The following SLC4A7 variants were observed in gnomAD, a reference collection of about 807,000 sequenced individuals.
The protein encoded by SLC4A7 is sodium bicarbonate cotransporter 3.
In SLC4A7, 51 loss-of-function variants were observed where a neutral mutation model predicts 137.6. The ratio of observed to expected loss-of-function variants is 0.37; its 90% CI spans 0.30 to 0.47. The LOEUF is 0.47. Ranked by LOEUF, SLC4A7 falls within the 20% of genes least tolerant of loss-of-function variation. The probability of loss-of-function intolerance (pLI) is 1.00; values close to 1 mark genes in which losing one functional copy is unlikely to be tolerated. For missense variants in SLC4A7, 1,247 were observed against 1,525.4 expected (o/e 0.82, Z 3.04); for synonymous variants, 542 against 518.6 (o/e 1.05, Z -0.61).
In SLC4A7 at chr3:27,383,166, C is replaced by T. The variant is rs775280053; in HGVS notation, c.3577G>A (p.Ala1193Thr). 6.2e-7 allele frequency: 1 copy of T among 1,608,456 alleles called. No individual in the cohort carries two copies. Among genetic ancestry groups the T allele is most frequent in the East Asian group, 2.2e-5 (1 of 44,854 alleles). ...GGSLLQIPVK[A>T]LKYSVDPSIV... ...GTCATATCTCACCTATATTTTAGGG[C>T]CTTGACTGGAATTTGCAAGAGACTT... The change falls in exon 24 of 26, where the codon GCC (alanine) becomes ACC (threonine). Residue 1193 changes from alanine to threonine, a missense_variant. Physicochemically the swap from Ala to Thr is moderately conservative, Grantham distance 58. Transcript: ENST00000454389.
chr3:27,464,739 T>C (rs1389682709), intron 1 of SLC4A7, among the ~76,000 whole-genome samples: 2 of 151,424 alleles, frequency 1.3e-5, no homozygotes, highest in African/African-American at 4.9e-5. Context: ...CTAATGCCTG[T>C]AATCCTAGTG....
At chr3:27,443,229 C>T (rs938929630) in intron 3 of SLC4A7, among the ~76,000 whole-genome samples, 9 of 151,656 alleles carry the variant, frequency 5.9e-5, no homozygotes, top group Admixed American at 1.3e-4. Flanking sequence ...GTGGTTTCAC[C>T]ATGTTGGCCA....
At chr3:27,426,556 T>A (rs986146294) in intron 7 of SLC4A7, among the ~76,000 whole-genome samples, 2 of 152,106 alleles carry the variant, frequency 1.3e-5, no homozygotes, top group Non-Finnish European at 2.9e-5. Flanking sequence ...TTTTCCAGAA[T>A]AGTCCTAGCT....
chr3:27,415,910 T>G (rs954780061), intron 11 of SLC4A7, among the ~76,000 whole-genome samples: 3 of 152,248 alleles, frequency 2.0e-5, no homozygotes, highest in Non-Finnish European at 4.4e-5. Context: ...ACTTTACGTT[T>G]CCTTTTCTTT....
intron 1 of SLC4A7, among the ~76,000 whole-genome samples, chr3:27,469,026 G>A (rs1450751777): frequency 6.6e-6 from 1 of 151,976 alleles, no homozygotes; most frequent in East Asian, 1.9e-4. Flanking sequence ...AGAATTGCTT[G>A]AACCCAGGAA....
intron 1 of SLC4A7, chr3:27,462,422 C>A (rs545646054): frequency 6.6e-6 from 1 of 152,190 alleles, no homozygotes; most frequent in African/African-American, 2.4e-5. Context: ...ACATTATGTT[C>A]CTGAGTCATT....
At chr3:27,396,463 T>A (rs981344389) in intron 18 of SLC4A7, among the ~76,000 whole-genome samples, 2 of 152,102 alleles carry the variant, frequency 1.3e-5, no homozygotes, top group African/African-American at 4.8e-5. Flanking sequence ...AATTCATAGT[T>A]TCATTTATTT....
intron 1 of SLC4A7, among the ~76,000 whole-genome samples, chr3:27,482,293 C>CT (rs2059745282): frequency 6.6e-6 from 1 of 152,196 alleles, no homozygotes; most frequent in South Asian, 2.1e-4. Flanking sequence ...TTATCACATG[C>CT]TTTCTCTACT....
intron 22 of SLC4A7, among the ~76,000 whole-genome samples, chr3:27,388,437 T>C (rs555386921): frequency 6.6e-6 from 1 of 152,330 alleles, no homozygotes; most frequent in South Asian, 2.1e-4. Flanking sequence ...TGTAATTATC[T>C]GTTCTTTAAA....
At chr3:27,472,652 C>T (rs567324077) in intron 1 of SLC4A7, among the ~76,000 whole-genome samples, 1 of 152,294 alleles carries the variant, frequency 6.6e-6, no homozygotes, top group South Asian at 2.1e-4. Context: ...TCTTGCCTCA[C>T]ACCTCCAATA....
chr3:27,472,183 C>G (rs963859433), intron 1 of SLC4A7, among the ~76,000 whole-genome samples: 7 of 152,156 alleles, frequency 4.6e-5, no homozygotes, highest in African/African-American at 1.7e-4. Flanking sequence ...ACCTTTTAAG[C>G]CATTTATTGC....
intron 1 of SLC4A7, among the ~76,000 whole-genome samples, chr3:27,463,529 A>C (rs541600524): frequency 9.9e-4 from 151 of 152,022 alleles, no homozygotes; most frequent in African/African-American, 3.6e-3. Flanking sequence ...AACAAGAGCG[A>C]AACTCCACCT....
intron 24 of SLC4A7, among the ~76,000 whole-genome samples, chr3:27,380,577 A>C (rs540045841): frequency 1.1e-4 from 17 of 152,342 alleles, no homozygotes; most frequent in African/African-American, 4.1e-4. Flanking sequence ...AAATTAGGTA[A>C]TGTTAAATTA....
chr3:27,454,041 T>C (rs1278417321), intron 1 of SLC4A7, among the ~76,000 whole-genome samples: 1 of 152,174 alleles, frequency 6.6e-6, no homozygotes, highest in Admixed American at 6.5e-5. Context: ...CTAGGTGTGG[T>C]GGTTCACACC....
Position 27,431,310 on chromosome 3 carries a change from C to T in SLC4A7, c.1138G>A (p.Asp380Asn). Reference protein sequence around the residue: ...GEEQKNEENVDLTPGILASPQ... With the variant: ...GEEQKNEENVNLTPGILASPQ... Reference sequence around the variant, plus strand: ...TTTGGATAGTTGCCTGGAGTTAAGTCAACATTTTCCTCATTCTTCTGCTCC... The same window carrying T: ...TTTGGATAGTTGCCTGGAGTTAAGTTAACATTTTCCTCATTCTTCTGCTCC... The change falls in exon 7 of 26, where the codon GAC becomes AAC. Residue 380 changes from aspartate to asparagine, a missense_variant. Asp to Asn is a conservative substitution (Grantham distance 23). Transcript: ENST00000454389. The T allele has an allele frequency of 6.3e-7, 1 of 1,580,944 alleles. No individual in the cohort carries two copies. Among genetic ancestry groups the T allele is most frequent in the Non-Finnish European group, 8.6e-7 (1 of 1,162,008 alleles).
chr3:27,473,718 A>T (rs2059351094), intron 1 of SLC4A7, among the ~76,000 whole-genome samples: 1 of 151,330 alleles, frequency 6.6e-6, no homozygotes, highest in Admixed American at 6.6e-5. Context: ...AAAAAAAAAA[A>T]AAAAAAAAAA....
chr3:27,439,780 A>C (rs73822304), intron 3 of SLC4A7, among the ~76,000 whole-genome samples: 4,837 of 152,200 alleles, frequency 0.032, 261 homozygotes, highest in African/African-American at 0.11. Flanking sequence ...ATCAGAGAGG[A>C]CATCCTTTCC....
At chr3:27,397,882 G>T in intron 17 of SLC4A7, 85 bp from the exon 18 acceptor site, 1 of 780,916 alleles carries the variant, frequency 1.3e-6, no homozygotes, top group Non-Finnish European at 2.0e-6. Flanking sequence ...TGATAAAATT[G>T]TCACTACAAC....
chr3:27,483,810 C>G (rs1323244353), intron 1 of SLC4A7, among the ~76,000 whole-genome samples: 1 of 151,704 alleles, frequency 6.6e-6, no homozygotes, highest in Non-Finnish European at 1.5e-5. Flanking sequence ...CCGCCTGAGC[C>G]GCGCAGAGGA....
Sources: allele counts gnomAD v4.1 joint callset (sites outside exome capture counted in the v4.1 genomes callset), GRCh38; gene constraint gnomAD v4.1.1; transcripts MANE v1.5; gene names NCBI Gene and HGNC (gene_info 2026-07-23, HGNC 2026-07-21).